The following CPSF6 variants were observed in gnomAD, a reference collection of about 807,000 sequenced individuals.
CPSF6 encodes cleavage and polyadenylation specific factor 6, also known as cleavage and polyadenylation specificity factor subunit 6.
In CPSF6, 10 loss-of-function variants were observed where a neutral mutation model predicts 56.7. The observed-to-expected ratio is 0.18, with a 90% confidence interval of 0.11 to 0.30. The LOEUF (loss-of-function observed/expected upper bound fraction) is 0.30. Ranked by LOEUF, CPSF6 falls within the 10% of genes least tolerant of loss-of-function variation. The pLI, the probability that CPSF6 is intolerant of heterozygous loss-of-function variation, is 1.00. For missense variants in CPSF6, 419 were observed against 722.9 expected (o/e 0.58, Z 4.82); for synonymous variants, 248 against 244.8 (o/e 1.01, Z -0.12).
rs1350190808 is a variant in CPSF6, at chr12:69,273,085, A to G, written c.*3577A>G. The G allele has an allele frequency of 1.1e-5, 4 of 359,186 alleles. No homozygotes were observed. The Admixed American group carries it at 1.3e-4, about 11-fold the overall frequency. 22.2% of individuals were successfully genotyped at this position (359,186 alleles called of 1,614,324 possible). ...AATGTGAGATTTTTGATTTAGATAAATCAAGATTCAGGATTAAAGTTTCAT... is the reference window on the plus strand; with the variant it reads ...AATGTGAGATTTTTGATTTAGATAAGTCAAGATTCAGGATTAAAGTTTCAT... On this transcript the variant is annotated 3_prime_UTR_variant, in exon 10 of 10. Coordinates refer to ENST00000435070, the MANE Select transcript of CPSF6 (RefSeq NM_007007.3).
At chr12:69,263,347 C>T (rs1344309221) in intron 9 of CPSF6, among the ~76,000 whole-genome samples, 39 of 151,776 alleles carry the variant, frequency 2.6e-4, no homozygotes, top group Admixed American at 2.6e-3. Flanking sequence ...TTAAAACTTT[C>T]TTGTGTACAT....
chr12:69,252,875 C>G (rs960121759), intron 2 of CPSF6, among the ~76,000 whole-genome samples, 176 bp from the exon 3 acceptor site: 6 of 152,086 alleles, frequency 3.9e-5, no homozygotes, highest in Non-Finnish European at 8.8e-5. Context: ...GTTAGGTTCC[C>G]AGATGGTTTT....
intron 1 of CPSF6, among the ~76,000 whole-genome samples, chr12:69,245,098 A>T (rs1458644274): frequency 8.4e-3 from 187 of 22,254 alleles, no homozygotes; most frequent in African/African-American, 0.015. Context: ...TCTCTATTTA[A>T]AAAAAAAAAA....
At chr12:69,249,909 C>T (rs1872143702) in intron 1 of CPSF6, among the ~76,000 whole-genome samples, 1 of 152,112 alleles carries the variant, frequency 6.6e-6, no homozygotes, top group South Asian at 2.1e-4. Flanking sequence ...TTTAATTCTG[C>T]TGGTGACAGT....
intron 9 of CPSF6, 90 bp from the exon 10 acceptor site, chr12:69,269,422 C>G: frequency 2.4e-6 from 1 of 420,566 alleles, no homozygotes; most frequent in South Asian, 1.7e-5. Flanking sequence ...GAAGTAGATG[C>G]ACGACTTGTG....
intron 3 of CPSF6, 111 bp from the exon 4 acceptor site, chr12:69,256,586 G>C: frequency 3.7e-6 from 4 of 1,072,432 alleles, no homozygotes; most frequent in African/African-American, 1.6e-5. Context: ...GAGCCACTGT[G>C]CCCAGCTGTT....
intron 1 of CPSF6, among the ~76,000 whole-genome samples, chr12:69,246,839 T>C (rs1479314337): frequency 2.0e-5 from 3 of 152,230 alleles, no homozygotes; most frequent in Non-Finnish European, 4.4e-5. Flanking sequence ...TTTATGTATT[T>C]TTATGGTAGA....
intron 1 of CPSF6, among the ~76,000 whole-genome samples, chr12:69,245,433 A>G (rs1261155684): frequency 5.3e-5 from 8 of 152,142 alleles, no homozygotes; most frequent in Admixed American, 5.2e-4. Flanking sequence ...TATCGTAGGT[A>G]TATATAAAGA....
At chr12:69,263,102 T>C (rs1872819830) in intron 9 of CPSF6, among the ~76,000 whole-genome samples, 2 of 152,214 alleles carry the variant, frequency 1.3e-5, no homozygotes, top group African/African-American at 4.8e-5. Flanking sequence ...AAAAATTTTT[T>C]TTTTTAGAAG....
chr12:69,247,233 C>A (rs1871957088), intron 1 of CPSF6, among the ~76,000 whole-genome samples: 1 of 152,112 alleles, frequency 6.6e-6, no homozygotes, highest in Admixed American at 6.6e-5. Context: ...TTTTGCCATC[C>A]ATTTTCTCTG....
intron 3 of CPSF6, among the ~76,000 whole-genome samples, chr12:69,253,678 AAAATAAAT>A (rs918934549): frequency 2.0e-5 from 3 of 152,094 alleles, no homozygotes; most frequent in African/African-American, 7.2e-5. Flanking sequence ...CTTTTTCCTA[AAAATAAAT>A]AAATAAATAA....
At position 69,244,460 on chromosome 12, in the gene CPSF6, GTGATCCTCTTGCCT is replaced by G. The variant is rs1207196448; in HGVS notation, c.60+4757_60+4770del. ...GCTGGTCTCGAACTCGTGACCTCAAGTGATCCTCTTGCCTTGGCTTCCCAAAGCGCTGGGATTAC... is the reference window on the plus strand; with the variant it reads ...GCTGGTCTCGAACTCGTGACCTCAAGTGGCTTCCCAAAGCGCTGGGATTAC... On this transcript the variant is annotated intron_variant, in intron 1 of 9. Coordinates refer to ENST00000435070, the MANE Select transcript of CPSF6 (RefSeq NM_007007.3). Among the ~76,000 whole-genome samples, 4 of 152,230 alleles carry G rather than the reference GTGATCCTCTTGCCT, an allele frequency of 2.6e-5. No individual in the cohort carries two copies. In the South Asian group the frequency reaches 8.3e-4, roughly 32 times the overall value.
At chr12:69,251,451 A>T (rs911073900) in intron 2 of CPSF6, 113 bp downstream of exon 2, 5 of 694,746 alleles carry the variant, frequency 7.2e-6, no homozygotes, top group Non-Finnish European at 9.4e-6. Flanking sequence ...GTTTTTCTAT[A>T]TGTGTTTGCT....
chr12:69,264,112 A>C (rs373321473), intron 9 of CPSF6, among the ~76,000 whole-genome samples: 1 of 152,052 alleles, frequency 6.6e-6, no homozygotes, highest in Non-Finnish European at 1.5e-5. Context: ...ATCTGATCCC[A>C]TCTTAATGAA....
At chr12:69,268,652 G>T (rs539920583) in intron 9 of CPSF6, among the ~76,000 whole-genome samples, 2 of 151,494 alleles carry the variant, frequency 1.3e-5, no homozygotes, top group Admixed American at 6.6e-5. Flanking sequence ...TTTCATTACC[G>T]ACTGTTTCAG....
Position 69,272,447 on chromosome 12 carries a change from T to C in CPSF6, c.*2939T>C, listed in dbSNP as rs1417400836. ...GGAAAATTGTGGAAAGGGCAAAGAC[T>C]TTCTCTTTCCCTTATGTATTTAACT... is the stretch of plus-strand genomic sequence containing the variant. On this transcript the variant is annotated 3_prime_UTR_variant, in exon 10 of 10. Coordinates refer to ENST00000435070, the MANE Select transcript of CPSF6 (RefSeq NM_007007.3). The C allele has an allele frequency of 6.6e-6, 1 of 151,666 alleles. No homozygotes were observed. The highest frequency in any genetic ancestry group is 1.5e-5 in the Non-Finnish European group (1 of 67,628). 9.4% of individuals were successfully genotyped at this position (151,666 alleles called of 1,614,324 possible).
chr12:69,259,334 G>A, intron 6 of CPSF6, 94 bp from the exon 7 acceptor site: 2 of 1,453,194 alleles, frequency 1.4e-6, no homozygotes, highest in African/African-American at 1.4e-5. Context: ...TAAAGCACAT[G>A]TCAGAAGCAG....
rs1256954084 is a variant in CPSF6 at position 69,272,340 on chromosome 12, C to T, written c.*2832C>T. The T allele has an allele frequency of 6.6e-6, 1 of 151,520 alleles. No individual in the cohort carries two copies. The highest frequency in any genetic ancestry group is 1.5e-5 in the Non-Finnish European group (1 of 67,584). The allele number at this position is 151,520 out of a possible 1,614,324, so 9.4% of individuals were successfully genotyped here. A position where few individuals can be genotyped will look rare whatever the true frequency, so the allele number is the denominator to read the frequency against. The stretch of plus-strand genomic sequence containing the variant: ...TTTAATTCTCCTGTGGAGAATATTG[C>T]TTTATTTTTTACTAGTTTCAGGTCA... On this transcript the variant is annotated 3_prime_UTR_variant, in exon 10 of 10. Coordinates refer to ENST00000435070, the MANE Select transcript of CPSF6 (RefSeq NM_007007.3).
At chr12:69,257,961 C>T in intron 5 of CPSF6, 56 bp downstream of exon 5, 1 of 1,585,280 alleles carries the variant, frequency 6.3e-7, no homozygotes. Flanking sequence ...TACCTCTTTT[C>T]CTTTTCTCTC....
Sources: gnomAD v4.1 joint callset for allele counts (sites outside exome capture counted in the v4.1 genomes callset) on GRCh38, gnomAD v4.1.1 for gene constraint, MANE v1.5 for transcripts, NCBI Gene and HGNC (gene_info 2026-07-23, HGNC 2026-07-21) for gene names.